The following WDR62 variants were observed in gnomAD, a reference collection of about 807,000 sequenced individuals.
WDR62 encodes the protein WD repeat domain 62.
WDR62 carries 112 observed loss-of-function variants against 160.6 expected under a neutral mutation model. The ratio of observed to expected loss-of-function variants is 0.70; its 90% CI spans 0.60 to 0.82. The LOEUF is 0.82. Among genes scored for constraint, WDR62 ranks in the 40% least tolerant of loss-of-function variants. WDR62 has a pLI of 0.00. For synonymous variants in WDR62, 792 were observed against 815.1 expected (o/e 0.97, Z 0.48); for missense variants, 1,819 against 1,983.8 (o/e 0.92, Z 1.58).
rs1973467126 is a variant in WDR62 at position 36,102,965 on chromosome 19, C to G, written c.3353C>G (p.Pro1118Arg). ...QKASRFTHTF[P>R]PRATQCLVKS... ...CCCCACAGGTTCACCCATACCTTCCCTCCCCGGGCAACCCAGTGCCTTGTG... is the reference window on the plus strand; with the variant it reads ...CCCCACAGGTTCACCCATACCTTCCGTCCCCGGGCAACCCAGTGCCTTGTG... The change falls in exon 28 of 32, where the codon CCT becomes CGT. Residue 1118 changes from proline (P) to arginine (R), a missense_variant. Coordinates refer to ENST00000401500, the MANE Select transcript of WDR62 (RefSeq NM_001083961.2). 1.1e-5 allele frequency: 18 copies of G among 1,614,060 alleles called. No homozygotes were observed. Among genetic ancestry groups the G allele is most frequent in the Admixed American group, 1.7e-5 (1 of 60,014 alleles).
Position 36,104,598 on chromosome 19 carries a change from C to G in WDR62, c.4234C>G (p.Leu1412Val), listed in dbSNP as rs546049974. 9 of 1,613,798 alleles carry G rather than the reference C, an allele frequency of 5.6e-6. No individual in the cohort carries two copies. The highest frequency in any genetic ancestry group is 7.6e-6 in the Non-Finnish European group (9 of 1,180,006). The change falls in exon 31 of 32, where the codon CTT becomes GTT. Residue 1412 changes from leucine (L) to valine (V), a missense_variant. Physicochemically the swap from Leu to Val is conservative, Grantham distance 32. Around this residue, in one of 3 missense-constraint regions of WDR62, gnomAD observed 770 missense variants for 734.2 expected, o/e 1.05. Transcript: ENST00000401500. ...VPVEALPPSP[L>V]ELSRVGNILH... The stretch of plus-strand genomic sequence containing the variant: ...GGTTGAAGCCCTGCCCCCATCTCCC[C>G]TTGAGCTGAGCAGGGTGGGGAACAT...
rs12980591 is a variant in WDR62, at chr19:36,099,266, G to A, written c.2521-133G>A. On this transcript the variant is annotated intron_variant, in intron 21 of 31. Coordinates refer to ENST00000401500, the MANE Select transcript of WDR62 (RefSeq NM_001083961.2). ...AAAACAGAGAAAGGTTCACGCTGGAGATATGTACCTGGAAGTTGTTTCTGA... is the reference window on the plus strand; with the variant it reads ...AAAACAGAGAAAGGTTCACGCTGGAAATATGTACCTGGAAGTTGTTTCTGA... 282,800 of 660,800 alleles carry A rather than the reference G, an allele frequency of 0.43. 64,384 individuals are homozygous for A. Among genetic ancestry groups the A allele is most frequent in the East Asian group, 0.59 (21,524 of 36,346 alleles). 40.9% of individuals were successfully genotyped at this position (660,800 alleles called of 1,614,324 possible). A position where few individuals can be genotyped will look rare whatever the true frequency, so the allele number is the denominator to read the frequency against.
In WDR62 at chr19:36,103,003, G is replaced by A; in HGVS notation, c.3391G>A (p.Val1131Ile). 6.2e-7 allele frequency: 1 copy of A among 1,614,148 alleles called. No individual in the cohort carries two copies. The highest frequency in any genetic ancestry group is 8.5e-7 in the Non-Finnish European group (1 of 1,180,018). ...CCAGTGCCTTGTGAAGTCTCCAGAGGTCAAGCTCATGGACCGAGGCGGAAG... is the reference window on the plus strand; with the variant it reads ...CCAGTGCCTTGTGAAGTCTCCAGAGATCAAGCTCATGGACCGAGGCGGAAG... ...ATQCLVKSPE[V>I]KLMDRGGSQP... Residue 1131 changes from valine (V) to isoleucine (I), a missense_variant, in exon 28 of 32, where the codon GTC (valine) becomes ATC (isoleucine). Physicochemically the swap from Val to Ile is conservative, Grantham distance 29. Transcript: ENST00000401500.
At chr19:36,073,610 C>A in intron 9 of WDR62, 79 bp downstream of exon 9, 1 of 1,175,642 alleles carries the variant, frequency 8.5e-7, no homozygotes, top group Non-Finnish European at 1.2e-6. Flanking sequence ...TTCAGTAATT[C>A]CTTCAGAAGA....
intron 9 of WDR62, among the ~76,000 whole-genome samples, chr19:36,080,349 C>G (rs537808102): frequency 6.6e-6 from 1 of 151,998 alleles, no homozygotes; most frequent in East Asian, 1.9e-4. Flanking sequence ...CTCCTGACCT[C>G]GTGATCCTCC....
rs368842612 is a variant in WDR62 at position 36,090,406 on chromosome 19, C to T, written c.1959-39C>T. 33 of 1,598,152 alleles carry T rather than the reference C, an allele frequency of 2.1e-5. No homozygotes were observed. The African/African-American group carries it at 2.7e-4, about 13-fold the overall frequency. On this transcript the variant is annotated intron_variant, in intron 15 of 31. Coordinates refer to ENST00000401500, the MANE Select transcript of WDR62 (RefSeq NM_001083961.2). ...CCAGAGAATGAGGTGGTGGGGTAGG[C>T]GGGGCCCTGTTGGCCGCAACATGCC...
At chr19:36,092,834 C>G (rs1972714282) in intron 19 of WDR62, 23 bp downstream of exon 19, 1 of 1,613,464 alleles carries the variant, frequency 6.2e-7, no homozygotes, top group African/African-American at 1.3e-5. Flanking sequence ...CCTGCCTGTC[C>G]ACCAGAGGGA....
At chr19:36,063,321 C>G (rs186515864) in intron 3 of WDR62, among the ~76,000 whole-genome samples, 70 of 152,186 alleles carry the variant, frequency 4.6e-4, no homozygotes, top group African/African-American at 1.6e-3. Context: ...GCGATCTTGG[C>G]TCGCTGCAGC....
rs996336427 is a variant in WDR62, at chr19:36,102,843, G to C, written c.3327G>C (p.Lys1109Asn). The C allele has an allele frequency of 1.1e-5, 17 of 1,614,112 alleles. No individual in the cohort carries two copies. The highest frequency in any genetic ancestry group is 1.3e-5 in the Non-Finnish European group (15 of 1,180,048). Residue 1109 changes from lysine to asparagine, a missense_variant, in exon 27 of 32, where the codon AAG becomes AAC. Lys to Asn is a moderately conservative substitution (Grantham distance 94). Transcript: ENST00000401500. ...CGCAGTTCCTCTCAAGCCTCCAGAA[G>C]GCATCCAGGTAGAAGCTGGCCAAGC... ...ISTQFLSSLQ[K>N]ASRFTHTFPP...
chr19:36,104,881 T>A lies in WDR62; in HGVS notation c.4425T>A (p.Ser1475Arg). ...QLEAECLVGT[S>R]VAPAQALPSP... ...AGGCTGAATGCCTGGTGGGGACTAG[T>A]GTGGCCCCAGCCCAGGCTCTGCCCA... Residue 1475 changes from serine (S) to arginine (R), a missense_variant, in exon 32 of 32, where the codon AGT becomes AGA. Ser to Arg is a moderately radical substitution (Grantham distance 110). This residue lies in a region of WDR62 where 770 missense variants were observed against 734.2 expected (regional missense o/e 1.05). Transcript: ENST00000401500. 6.2e-7 allele frequency: 1 copy of A among 1,612,350 alleles called. No homozygotes were observed. The highest frequency in any genetic ancestry group is 8.5e-7 in the Non-Finnish European group (1 of 1,179,894).
At chr19:36,083,299 G>A (rs1462895383) in intron 11 of WDR62, 58 bp downstream of exon 11, 16 of 1,527,594 alleles carry the variant, frequency 1.0e-5, no homozygotes, top group Admixed American at 1.9e-5. Flanking sequence ...CAGGTTCTCA[G>A]GGCAGTGGGC....
rs1208695784 is a variant in WDR62, at chr19:36,102,049, C to T, written c.3118C>T (p.Pro1040Ser). 2 of 1,614,152 alleles carry T rather than the reference C, an allele frequency of 1.2e-6. No homozygotes were observed. Among genetic ancestry groups the T allele is most frequent in the Non-Finnish European group, 1.7e-6 (2 of 1,180,020 alleles). ...AGPTEDELSL[P>S]EGPSVPSSSL... ...TCCCACAGAAGATGAGCTGTCCCTGCCCGAGGGACCCAGCGTCCCCAGCAG... is the reference window on the plus strand; with the variant it reads ...TCCCACAGAAGATGAGCTGTCCCTGTCCGAGGGACCCAGCGTCCCCAGCAG... Residue 1040 changes from proline to serine, a missense_variant, in exon 26 of 32, where the codon CCC (proline) becomes TCC (serine). Coordinates refer to ENST00000401500, the MANE Select transcript of WDR62 (RefSeq NM_001083961.2).
In WDR62 at chr19:36,055,108, C is replaced by G; in HGVS notation, c.137C>G (p.Thr46Arg). ...PAPPICLRRR[T>R]RLSTASEETV... is the part of the protein sequence containing the mutation. ...CCACCAATCTGCCTACGGCGGCGGA[C>G]GCGACTCTCGACGGCCTCCGAGGAG... The change falls in exon 1 of 32, where the codon ACG (threonine) becomes AGG (arginine). Residue 46 changes from threonine (T) to arginine (R), a missense_variant. Thr to Arg is a moderately conservative substitution (Grantham distance 71, BLOSUM62 -1). This residue lies in a region of WDR62 where 115 missense variants were observed against 92.4 expected (regional missense o/e 1.24). Transcript: ENST00000401500. 2 of 1,606,698 alleles carry G rather than the reference C, an allele frequency of 1.2e-6. No individual in the cohort carries two copies. Among genetic ancestry groups the G allele is most frequent in the East Asian group, 2.2e-5 (1 of 44,502 alleles).
downstream of WDR62, among the ~76,000 whole-genome samples, chr19:36,107,333 G>T (rs1260466201): frequency 6.6e-6 from 1 of 152,168 alleles, no homozygotes; most frequent in Non-Finnish European, 1.5e-5. Flanking sequence ...TGAAGTGCCT[G>T]GCATAAGCCT....
intron 15 of WDR62, 137 bp downstream of exon 15, chr19:36,089,443 TTTTTG>T: frequency 2.1e-6 from 3 of 1,396,578 alleles, no homozygotes; most frequent in Non-Finnish European, 9.9e-7. Context: ...TCTTGGTTTT[TTTTTG>T]TTTTTGTTTT....
chr19:36,078,865 G>C (rs1971734512), intron 9 of WDR62, among the ~76,000 whole-genome samples: 1 of 145,010 alleles, frequency 6.9e-6, no homozygotes, highest in South Asian at 2.2e-4. Flanking sequence ...GTAAGTTATA[G>C]TTTTTATCTT....
intron 7 of WDR62, among the ~76,000 whole-genome samples, chr19:36,071,243 A>G (rs1055489259): frequency 1.3e-5 from 2 of 152,102 alleles, no homozygotes; most frequent in East Asian, 1.9e-4. Context: ...CAACCCTGTT[A>G]CTACAAGTGA....
At chr19:36,073,778 A>C (rs2145643213) in intron 9 of WDR62, 1 of 558,938 alleles carries the variant, frequency 1.8e-6, no homozygotes, top group South Asian at 1.5e-5. Flanking sequence ...CCTCTGAAGA[A>C]AAATGAGGCG....
chr19:36,075,603 G>A lies in WDR62; in HGVS notation c.1233+2072G>A, dbSNP rs576997963. Among the ~76,000 whole-genome samples the A allele has an allele frequency of 2.6e-5, 4 of 152,144 alleles. No individual in the cohort carries two copies. In the East Asian group the frequency reaches 7.7e-4, roughly 29 times the overall value. ...TGGGATTACAGGCAGCCGCCACCAC[G>A]CCTGGCTAATTTTTGTGTTTTTAGT... On this transcript the variant is annotated intron_variant, in intron 9 of 31. Coordinates refer to ENST00000401500, the MANE Select transcript of WDR62 (RefSeq NM_001083961.2).
Sources: allele counts gnomAD v4.1 joint callset (sites outside exome capture counted in the v4.1 genomes callset), GRCh38; gene constraint gnomAD v4.1.1; regional missense constraint gnomAD v4.1.1; transcripts MANE v1.5; gene names NCBI Gene and HGNC (gene_info 2026-07-23, HGNC 2026-07-21).